Variants in CA12 observed in about 807,000 individuals in gnomAD.
CA12 encodes the protein carbonic anhydrase 12.
In CA12, 36 loss-of-function variants were observed where a neutral mutation model predicts 46.8. The observed-to-expected ratio is 0.77, with a 90% CI of 0.59 to 1.02. The LOEUF is 1.02. Ranked by LOEUF, CA12 falls within the 50% of genes least tolerant of loss-of-function variation. The probability of loss-of-function intolerance (pLI) is 0.00; values close to 1 mark genes in which losing one functional copy is unlikely to be tolerated. For synonymous variants in CA12, 202 were observed against 187.0 expected, an observed-to-expected ratio of 1.08 and a Z score of -0.65; for missense variants, 436 against 451.4, an observed-to-expected ratio of 0.97 and a Z score of 0.31.
chr15:63,381,625 G>A lies in CA12; in HGVS notation c.85+11C>T, dbSNP rs1349990793. ...CAGGAGTGTTAGGAAAGAAGCAGGCGGAAACTTTACCGTTCACTGGGGCCG... is the reference window on the plus strand; with the variant it reads ...CAGGAGTGTTAGGAAAGAAGCAGGCAGAAACTTTACCGTTCACTGGGGCCG... On this transcript the variant is annotated intron_variant, in intron 1 of 10. Transcript: ENST00000178638. The A allele has an allele frequency of 6.2e-7, 1 of 1,607,810 alleles. No individual in the cohort carries two copies. The highest frequency in any genetic ancestry group is 1.3e-5 in the African/African-American group (1 of 74,910).
intron 4 of CA12, among the ~76,000 whole-genome samples, chr15:63,344,780 T>G (rs2039124253): frequency 6.6e-6 from 1 of 152,100 alleles, no homozygotes; most frequent in Non-Finnish European, 1.5e-5. Flanking sequence ...AAATGGAGCA[T>G]CTCAACCCCC....
In CA12 at chr15:63,338,852, C is replaced by G; in HGVS notation, c.841G>C (p.Asp281His). 1 of 1,614,170 alleles carries G rather than the reference C, an allele frequency of 6.2e-7. No individual in the cohort carries two copies. The highest frequency in any genetic ancestry group is 8.5e-7 in the Non-Finnish European group (1 of 1,180,030). ...INNFRQVQKF[D>H]ERLVYTSFSQ... ...AAGGAGGTGTATACCAGCCTCTCAT[C>G]GAACTTCTGGACCTGCCGGAAGTTG... Residue 281 changes from aspartate to histidine, a missense_variant, in exon 8 of 11, where the codon GAT (aspartate) becomes CAT (histidine). Coordinates refer to ENST00000178638, the MANE Select transcript of CA12 (RefSeq NM_001218.5).
At position 63,378,868 on chromosome 15, in the gene CA12, G is replaced by A. The variant is rs1360829113; in HGVS notation, c.85+2768C>T. The A allele has an allele frequency of 6.6e-6, 1 of 152,220 alleles. No homozygotes were observed. Among genetic ancestry groups the A allele is most frequent in the Non-Finnish European group, 1.5e-5 (1 of 68,060 alleles). 9.4% of individuals were successfully genotyped at this position (152,220 alleles called of 1,614,324 possible). A position where few individuals can be genotyped will look rare whatever the true frequency, so the allele number is the denominator to read the frequency against. On this transcript the variant is annotated intron_variant, in intron 1 of 10. Coordinates refer to ENST00000178638, the MANE Select transcript of CA12 (RefSeq NM_001218.5). This position sits in a 1 kb window ranked among gnomAD's most constrained non-coding sequence, Gnocchi z 4.8. ...ACAGGCCACTCCAGTGATCCTGGAGGCCACTAGAAACACATCTGCTGCCTG... is the reference window on the plus strand; with the variant it reads ...ACAGGCCACTCCAGTGATCCTGGAGACCACTAGAAACACATCTGCTGCCTG...
chr15:63,322,644 A>T lies in CA12; in HGVS notation c.*3641T>A, dbSNP rs552127829. 2 of 152,312 alleles carry T rather than the reference A, an allele frequency of 1.3e-5. No homozygotes were observed. The highest frequency in any genetic ancestry group is 4.1e-4 in the South Asian group (2 of 4,820). The allele number at this position is 152,312 out of a possible 1,614,324, so 9.4% of individuals were successfully genotyped here. ...GATGTGGAATTCAGGGAGATGAGAGATGCTCATTTCCTGCTCCAGGAGTGC... is the reference window on the plus strand; with the variant it reads ...GATGTGGAATTCAGGGAGATGAGAGTTGCTCATTTCCTGCTCCAGGAGTGC... On this transcript the variant is annotated 3_prime_UTR_variant, in exon 11 of 11. Coordinates refer to ENST00000178638, the MANE Select transcript of CA12 (RefSeq NM_001218.5). The surrounding 1 kb of genome is among the most constrained non-coding windows in gnomAD (Gnocchi z 4.1).
At position 63,340,749 on chromosome 15, in the gene CA12, A is replaced by T; in HGVS notation, c.560T>A (p.Phe187Tyr). The T allele has an allele frequency of 1.2e-6, 2 of 1,614,204 alleles. No individual in the cohort carries two copies. Among genetic ancestry groups the T allele is most frequent in the East Asian group, 2.2e-5 (1 of 44,876 alleles). Residue 187 changes from phenylalanine (F) to tyrosine (Y), a missense_variant, in exon 6 of 11, where the codon TTC becomes TAC. Phe to Tyr is a conservative substitution (Grantham distance 22). Transcript: ENST00000178638. The surrounding 1 kb of genome is among the most constrained non-coding windows in gnomAD (Gnocchi z 4.4). ...GSFNPSYDKI[F>Y]SHLQHVKYKG... ...GTACTTTACATGTTGAAGGTGACTGAAGATCTTGTCATAGGACGGATTGAA... is the reference window on the plus strand; with the variant it reads ...GTACTTTACATGTTGAAGGTGACTGTAGATCTTGTCATAGGACGGATTGAA...
chr15:63,359,904 C>T (rs2039340129), intron 2 of CA12, among the ~76,000 whole-genome samples: 1 of 152,176 alleles, frequency 6.6e-6, no homozygotes, highest in African/African-American at 2.4e-5. Context: ...ACACCAGATC[C>T]AGACAGTTCT....
intron 2 of CA12, chr15:63,375,432 C>T: frequency 2.0e-6 from 1 of 502,950 alleles, no homozygotes; most frequent in Admixed American, 3.6e-5. Flanking sequence ...CTATGACTCA[C>T]AGTCCTGTGC....
intron 2 of CA12, among the ~76,000 whole-genome samples, chr15:63,358,318 A>C (rs552366696): frequency 9.2e-5 from 14 of 152,378 alleles, no homozygotes; most frequent in African/African-American, 3.4e-4. Flanking sequence ...ATTTGTGACA[A>C]GCTCTTGAGT....
rs2039131690 is a variant in CA12 at position 63,345,345 on chromosome 15, G to T, written c.429+132C>A. On this transcript the variant is annotated intron_variant, in intron 4 of 10. Transcript: ENST00000178638. The surrounding 1 kb of genome is among the most constrained non-coding windows in gnomAD (Gnocchi z 4.3). Reference sequence around the variant, plus strand: ...GAGTGGCTGCGCCCCTTGTGCCAGGGCCAGAGGTGGGGCAGAGAGCCTGAA... The same window carrying T: ...GAGTGGCTGCGCCCCTTGTGCCAGGTCCAGAGGTGGGGCAGAGAGCCTGAA... The T allele has an allele frequency of 1.7e-6, 2 of 1,159,718 alleles. No individual in the cohort carries two copies. The highest frequency in any genetic ancestry group is 2.0e-5 in the Admixed American group (1 of 50,644). The allele number at this position is 1,159,718 out of a possible 1,614,324, so 71.8% of individuals were successfully genotyped here.
intron 2 of CA12, among the ~76,000 whole-genome samples, chr15:63,368,951 AATTTGCCT>A (rs61371255): frequency 0.42 from 63,219 of 151,594 alleles, 13,581 homozygotes; most frequent in Admixed American, 0.55. Flanking sequence ...GGAACCAGAG[AATTTGCCT>A]ATTTGCCTGC....
At chr15:63,376,697 C>T (rs943424779) in intron 1 of CA12, among the ~76,000 whole-genome samples, 1 of 151,574 alleles carries the variant, frequency 6.6e-6, no homozygotes, top group African/African-American at 2.4e-5. Context: ...CACTGGAGTA[C>T]AGTGGTGTGA....
intron 4 of CA12, among the ~76,000 whole-genome samples, chr15:63,344,746 C>G (rs1365636181): frequency 6.6e-6 from 1 of 152,178 alleles, no homozygotes; most frequent in Non-Finnish European, 1.5e-5. Flanking sequence ...GCCACACCCC[C>G]AGTTCAGGGC....
intron 2 of CA12, among the ~76,000 whole-genome samples, chr15:63,364,693 T>G (rs1595789851): frequency 6.6e-6 from 1 of 152,208 alleles, no homozygotes; most frequent in East Asian, 1.9e-4. Flanking sequence ...CCCTGGCCCA[T>G]CGTCCAGGCA....
chr15:63,336,543 CTTTTTTTTTTT>C (rs71998323), intron 8 of CA12, among the ~76,000 whole-genome samples: 1 of 86,182 alleles, frequency 1.2e-5, no homozygotes, highest in Non-Finnish European at 2.0e-5. Flanking sequence ...TCCAACCTGG[CTTTTTTTTTTT>C]TTTTTTTTTT....
chr15:63,337,269 C>T (rs2039015214), intron 8 of CA12, among the ~76,000 whole-genome samples: 1 of 152,168 alleles, frequency 6.6e-6, no homozygotes, highest in African/African-American at 2.4e-5. Context: ...GTAATCCTGA[C>T]CGTAAGGATG....
At position 63,323,742 on chromosome 15, in the gene CA12, G is replaced by A. The variant is rs1370539176; in HGVS notation, c.*2543C>T. ...GCTAGTGAAGAGGAGAGGAATGTAG[G>A]GTGAATTTGAAATGTGATTAATAGA... On this transcript the variant is annotated 3_prime_UTR_variant, in exon 11 of 11. Transcript: ENST00000178638. The surrounding 1 kb of genome is among the most constrained non-coding windows in gnomAD (Gnocchi z 5.1). The A allele has an allele frequency of 6.6e-6, 1 of 152,528 alleles. No individual in the cohort carries two copies. Among genetic ancestry groups the A allele is most frequent in the African/African-American group, 2.4e-5 (1 of 41,424 alleles). 9.4% of individuals were successfully genotyped at this position (152,528 alleles called of 1,614,324 possible). A position where few individuals can be genotyped will look rare whatever the true frequency, so the allele number is the denominator to read the frequency against.
At position 63,330,267 on chromosome 15, in the gene CA12, C is replaced by T. The variant is rs2038919842; in HGVS notation, c.875-2137G>A. Among the ~76,000 whole-genome samples the T allele has an allele frequency of 6.6e-6, 1 of 152,218 alleles. No homozygotes were observed. Among genetic ancestry groups the T allele is most frequent in the African/African-American group, 2.4e-5 (1 of 41,456 alleles). ...GCACAAGCTCTGTTTCCTGCAGGGC[C>T]TGTGGCCTCTGCACAGTGGAACTTG... On this transcript the variant is annotated intron_variant, in intron 8 of 10. Transcript: ENST00000178638. This position sits in a 1 kb window ranked among gnomAD's most constrained non-coding sequence, Gnocchi z 4.0.
At chr15:63,353,738 G>A (rs1422305493) in intron 2 of CA12, among the ~76,000 whole-genome samples, 1 of 152,082 alleles carries the variant, frequency 6.6e-6, no homozygotes, top group African/African-American at 2.4e-5. Flanking sequence ...AAAGAGATGG[G>A]GTCTTGCTAT....
At position 63,327,218 on chromosome 15, in the gene CA12, A is replaced by T; in HGVS notation, c.923T>A (p.Leu308Gln). Residue 308 changes from leucine to glutamine, a missense_variant, in exon 10 of 11, where the codon CTG (leucine) becomes CAG (glutamine). Leu to Gln is a moderately radical substitution (Grantham distance 113, BLOSUM62 -2). Coordinates refer to ENST00000178638, the MANE Select transcript of CA12 (RefSeq NM_001218.5). This position sits in a 1 kb window ranked among gnomAD's most constrained non-coding sequence, Gnocchi z 4.5. ...AGLSLGIILS[L>Q]ALAGILGICI... ...GATGCCAAGAATGCCAGCCAGGGCC[A>T]GTGAGAGGATGATGCCTGGTGAAGA... The T allele has an allele frequency of 1.2e-6, 2 of 1,613,996 alleles. No homozygotes were observed. The highest frequency in any genetic ancestry group is 4.5e-5 in the East Asian group (2 of 44,886).
Sources: allele counts gnomAD v4.1 joint callset (sites outside exome capture counted in the v4.1 genomes callset), GRCh38; gene constraint gnomAD v4.1.1; non-coding constraint Gnocchi (gnomAD v3.1); transcripts MANE v1.5; gene names NCBI Gene and HGNC (gene_info 2026-07-23, HGNC 2026-07-21).